The following FGF12 variants were observed in gnomAD, a reference collection of about 807,000 sequenced individuals.
FGF12 encodes fibroblast growth factor 12B.
In FGF12, 14 loss-of-function variants were observed where a neutral mutation model predicts 23.6. The ratio of observed to expected loss-of-function variants is 0.59; its 90% confidence interval spans 0.39 to 0.93. FGF12 has a LOEUF of 0.93. FGF12 is among the 40% of genes least tolerant of loss of function. FGF12 has a pLI of 0.00. For missense variants in FGF12, 175 were observed against 217.8 expected (o/e 0.80, Z 1.24); for synonymous variants, 62 against 77.3 (o/e 0.80, Z 1.04).
intron 2 of FGF12, among the ~76,000 whole-genome samples, chr3:192,596,548 T>C (rs1713862100): frequency 6.6e-6 from 1 of 152,032 alleles, no homozygotes. Flanking sequence ...TTTTAGAGGC[T>C]TGACATGTCT....
chr3:192,395,835 A>G (rs1417132611), intron 2 of FGF12, among the ~76,000 whole-genome samples: 1 of 152,194 alleles, frequency 6.6e-6, no homozygotes, highest in African/African-American at 2.4e-5. Context: ...TGGATAAATG[A>G]AGGGTTGTCT....
chr3:192,152,445 G>A (rs1482457401), intron 5 of FGF12, among the ~76,000 whole-genome samples: 2 of 142,618 alleles, frequency 1.4e-5, no homozygotes, highest in Admixed American at 7.1e-5. Flanking sequence ...TCTCTTGTGG[G>A]CATTTAGTGC....
At chr3:192,200,052 C>A (rs193273126) in intron 4 of FGF12, among the ~76,000 whole-genome samples, 1 of 152,038 alleles carries the variant, frequency 6.6e-6, no homozygotes, top group Admixed American at 6.6e-5. Context: ...TGCAGTGGCT[C>A]ACTCCTGTAA....
At chr3:192,384,289 A>G (rs1719949323) in intron 2 of FGF12, among the ~76,000 whole-genome samples, 1 of 152,184 alleles carries the variant, frequency 6.6e-6, no homozygotes, top group Admixed American at 6.5e-5. Context: ...AATCAAAAAG[A>G]AGAAATGTAG....
chr3:192,376,322 A>G (rs913825632), intron 2 of FGF12, among the ~76,000 whole-genome samples: 1 of 149,368 alleles, frequency 6.7e-6, no homozygotes, highest in Non-Finnish European at 1.5e-5. Flanking sequence ...TGTCATTGCT[A>G]TATAATTATT....
chr3:192,285,043 A>T (rs1179471551), intron 4 of FGF12, among the ~76,000 whole-genome samples: 1 of 152,060 alleles, frequency 6.6e-6, no homozygotes, highest in Non-Finnish European at 1.5e-5. Flanking sequence ...CATTACAGAG[A>T]CGTATAACAA....
intron 2 of FGF12, among the ~76,000 whole-genome samples, chr3:192,407,077 C>T (rs774275707): frequency 2.6e-5 from 4 of 152,198 alleles, no homozygotes; most frequent in South Asian, 2.1e-4. Flanking sequence ...TCCATTCTCT[C>T]AAGCTGGGTA....
chr3:192,527,434 T>C lies in FGF12; in HGVS notation c.14-166896A>G, dbSNP rs114216677. On this transcript the variant is annotated intron_variant, in intron 2 of 5. Transcript: ENST00000445105. ...TCTGAAAGGTTGTATACTTCCAGAT[T>C]TTGCCATTGTTTCCATTTCTAGTTT... Among the ~76,000 whole-genome samples, 662 of 152,314 alleles carry C rather than the reference T, an allele frequency of 4.3e-3. 1 individual carries two copies. The highest frequency in any genetic ancestry group is 6.5e-3 in the Non-Finnish European group (441 of 68,026).
At chr3:192,303,262 ATCAACATCAGAGATTTTG>A (rs1341271888) in intron 4 of FGF12, among the ~76,000 whole-genome samples, 1 of 152,254 alleles carries the variant, frequency 6.6e-6, no homozygotes, top group Non-Finnish European at 1.5e-5. Flanking sequence ...AATGAAATGC[ATCAACATCAGAGATTTTG>A]TCACGTTAGT....
intron 4 of FGF12, among the ~76,000 whole-genome samples, chr3:192,206,829 T>C (rs1717673377): frequency 6.6e-6 from 1 of 152,016 alleles, no homozygotes; most frequent in Non-Finnish European, 1.5e-5. Context: ...TATCCAACTC[T>C]AAAGCACTGC....
At chr3:192,594,004 A>T (rs1272754769) in intron 2 of FGF12, among the ~76,000 whole-genome samples, 1 of 151,982 alleles carries the variant, frequency 6.6e-6, no homozygotes, top group African/African-American at 2.4e-5. Context: ...TAAGAGGGTA[A>T]GCAGCTTGTC....
chr3:192,371,054 TC>T (rs1560088933), intron 2 of FGF12, among the ~76,000 whole-genome samples: 1 of 152,160 alleles, frequency 6.6e-6, no homozygotes, highest in Admixed American at 6.6e-5. Flanking sequence ...GGGTTACAAC[TC>T]CCTGGTCTTT....
At chr3:192,662,048 C>T (rs1716690096) in intron 2 of FGF12, among the ~76,000 whole-genome samples, 1 of 152,182 alleles carries the variant, frequency 6.6e-6, no homozygotes, top group African/African-American at 2.4e-5. Flanking sequence ...CCTGAGTGGG[C>T]TTCCTTATTC....
At chr3:192,671,794 C>T (rs1344105822) in intron 2 of FGF12, among the ~76,000 whole-genome samples, 2 of 152,042 alleles carry the variant, frequency 1.3e-5, no homozygotes, top group African/African-American at 4.8e-5. Flanking sequence ...CACACACACA[C>T]ACACACACAT....
At chr3:192,416,564 G>A (rs1261207949) in intron 2 of FGF12, among the ~76,000 whole-genome samples, 1 of 152,070 alleles carries the variant, frequency 6.6e-6, no homozygotes, top group Non-Finnish European at 1.5e-5. Flanking sequence ...AGGAAATACA[G>A]CATATTTCAT....
intron 2 of FGF12, among the ~76,000 whole-genome samples, chr3:192,367,342 T>G (rs1719028208): frequency 6.6e-6 from 1 of 152,186 alleles, no homozygotes; most frequent in Non-Finnish European, 1.5e-5. Flanking sequence ...TATTAACATT[T>G]AATGTTGTCC....
chr3:192,206,710 G>T (rs1468740911), intron 4 of FGF12, among the ~76,000 whole-genome samples: 1 of 152,114 alleles, frequency 6.6e-6, no homozygotes, highest in Non-Finnish European at 1.5e-5. Flanking sequence ...GTGGATGATG[G>T]GGACCCTACC....
At chr3:192,714,073 T>G (rs888502695) in intron 2 of FGF12, among the ~76,000 whole-genome samples, 4 of 152,120 alleles carry the variant, frequency 2.6e-5, no homozygotes, top group Admixed American at 6.5e-5. Context: ...TTTTATTGAA[T>G]GCTTATTATA....
rs534692403 is a variant in FGF12, at chr3:192,228,347, G to A, written c.229-57691C>T. ...ACAGTGGTAAAAATCCAGCTTCCCT[G>A]TGTCCTGACCTCTTATTCTGTTGAG... On this transcript the variant is annotated intron_variant, in intron 4 of 5. Transcript: ENST00000445105. 1.1e-4 allele frequency among the ~76,000 whole-genome samples: 16 copies of A among 152,172 alleles called. No individual in the cohort carries two copies. In the South Asian group the frequency reaches 3.1e-3, roughly 30 times the overall value.
Sources: allele counts gnomAD v4.1 joint callset (sites outside exome capture counted in the v4.1 genomes callset), GRCh38; gene constraint gnomAD v4.1.1; transcripts MANE v1.5; gene names NCBI Gene and HGNC (gene_info 2026-07-23, HGNC 2026-07-21).